Variants in ZFAND3 observed in about 807,000 individuals in gnomAD.
The protein encoded by ZFAND3 is zinc finger AN1-type containing 3, also known as AN1-type zinc finger protein 3.
Under a neutral mutation model 29.6 loss-of-function variants are expected in ZFAND3, and 10 were observed. That is an observed-to-expected ratio of 0.34 (90% CI 0.21 to 0.57). The LOEUF (loss-of-function observed/expected upper bound fraction) is 0.57, where lower values mean the gene tolerates loss of function less well. Among genes scored for constraint, ZFAND3 ranks in the 20% least tolerant of loss-of-function variants. The probability of loss-of-function intolerance (pLI) is 0.86; values close to 1 mark genes in which losing one functional copy is unlikely to be tolerated. For missense variants in ZFAND3, 230 were observed against 304.5 expected (o/e 0.76, Z 1.82); for synonymous variants, 128 against 112.6 (o/e 1.14, Z -0.87).
Position 38,144,191 on chromosome 6 carries a change from AT to A in ZFAND3, c.530-8043del, listed in dbSNP as rs1251618804. ...AATGTGATATATATATATAATATAT[AT>A]ATATATATATATATATATAATATAT... On this transcript the variant is annotated intron_variant, in intron 5 of 5. Coordinates refer to ENST00000287218, the MANE Select transcript of ZFAND3 (RefSeq NM_021943.3). 1.7e-3 allele frequency among the ~76,000 whole-genome samples: 71 copies of A among 41,814 alleles called. 4 individuals are homozygous for A. The highest frequency in any genetic ancestry group is 4.3e-3 in the African/African-American group (36 of 8,412). The allele number at this position is 41,814 out of a possible 152,430, so 27.4% of individuals were successfully genotyped here. A position where few individuals can be genotyped will look rare whatever the true frequency, so the allele number is the denominator to read the frequency against.
chr6:37,959,361 A>T (rs746980660), intron 2 of ZFAND3, among the ~76,000 whole-genome samples: 3 of 152,362 alleles, frequency 2.0e-5, no homozygotes, highest in Non-Finnish European at 4.4e-5. Context: ...GGAAATGTTA[A>T]CATTGGAATT....
intron 2 of ZFAND3, among the ~76,000 whole-genome samples, chr6:38,000,720 A>G (rs1762933048): frequency 6.6e-6 from 1 of 152,214 alleles, no homozygotes; most frequent in South Asian, 2.1e-4. Context: ...TAAACTCTGT[A>G]TTCACCTAAT....
At chr6:38,004,316 A>G (rs1030662400) in intron 2 of ZFAND3, among the ~76,000 whole-genome samples, 5 of 152,162 alleles carry the variant, frequency 3.3e-5, no homozygotes, top group African/African-American at 1.2e-4. Context: ...TTGATTTCCA[A>G]CACGTTTGCT....
chr6:37,895,585 G>A (rs1382954451), intron 1 of ZFAND3, among the ~76,000 whole-genome samples: 1 of 143,424 alleles, frequency 7.0e-6, no homozygotes, highest in Non-Finnish European at 1.5e-5. Flanking sequence ...TTGGTTTAAT[G>A]TCTTTGGTTA....
intron 2 of ZFAND3, among the ~76,000 whole-genome samples, chr6:37,994,317 A>C (rs1326292795): frequency 2.6e-5 from 4 of 152,298 alleles, no homozygotes; most frequent in South Asian, 4.1e-4. Context: ...TATTTTTCTT[A>C]GAATGGCTTC....
chr6:37,822,463 G>A (rs1352225769), intron 1 of ZFAND3, among the ~76,000 whole-genome samples: 1 of 152,250 alleles, frequency 6.6e-6, no homozygotes, highest in East Asian at 1.9e-4. Context: ...ACTGACTTTG[G>A]ACATGTTTCC....
chr6:38,060,650 T>C (rs1355424197), intron 2 of ZFAND3, among the ~76,000 whole-genome samples: 1 of 152,206 alleles, frequency 6.6e-6, no homozygotes, highest in Non-Finnish European at 1.5e-5. Context: ...GAGGTCTTGC[T>C]GTGTTGCCCA....
intron 3 of ZFAND3, among the ~76,000 whole-genome samples, chr6:38,077,084 C>T (rs981103701): frequency 6.7e-6 from 1 of 150,228 alleles, no homozygotes; most frequent in Non-Finnish European, 1.5e-5. Flanking sequence ...TTCACTATCT[C>T]CATTGCATAG....
At chr6:37,979,216 G>A (rs922637655) in intron 2 of ZFAND3, among the ~76,000 whole-genome samples, 1 of 152,180 alleles carries the variant, frequency 6.6e-6, no homozygotes, top group African/African-American at 2.4e-5. Flanking sequence ...GTGGCAGCCT[G>A]CAAATTCTGC....
chr6:37,877,988 A>G (rs1317280808), intron 1 of ZFAND3, among the ~76,000 whole-genome samples: 1 of 152,194 alleles, frequency 6.6e-6, no homozygotes, highest in Non-Finnish European at 1.5e-5. Context: ...TGAGGTAGGA[A>G]CAACAGCTGT....
At chr6:38,115,521 T>G (rs1765398561) in intron 4 of ZFAND3, among the ~76,000 whole-genome samples, 1 of 152,184 alleles carries the variant, frequency 6.6e-6, no homozygotes, top group Non-Finnish European at 1.5e-5. Context: ...GAGAGACCAG[T>G]GAAGAGGCTC....
intron 2 of ZFAND3, among the ~76,000 whole-genome samples, chr6:37,977,800 G>C (rs1762508231): frequency 2.4e-5 from 1 of 42,040 alleles, no homozygotes; most frequent in Non-Finnish European, 5.4e-5. Context: ...TTCAAATGAA[G>C]AATGAATGTT....
chr6:38,079,210 C>T (rs182048328), intron 3 of ZFAND3, among the ~76,000 whole-genome samples: 107 of 152,272 alleles, frequency 7.0e-4, no homozygotes, highest in African/African-American at 1.8e-3. Context: ...ACTCTAAGCT[C>T]TCTGTTTATA....
chr6:37,934,431 A>G (rs981987959), intron 2 of ZFAND3, among the ~76,000 whole-genome samples: 1 of 151,996 alleles, frequency 6.6e-6, no homozygotes, highest in Non-Finnish European at 1.5e-5. Flanking sequence ...ATTCTGGGGA[A>G]GTACCAGGAA....
chr6:38,087,749 A>G (rs1268596690), intron 4 of ZFAND3, among the ~76,000 whole-genome samples: 1 of 152,188 alleles, frequency 6.6e-6, no homozygotes, highest in Non-Finnish European at 1.5e-5. Flanking sequence ...TGGGAATGTA[A>G]ATTATTACAA....
At position 37,953,070 on chromosome 6, in the gene ZFAND3, G is replaced by C. The variant is rs188695086; in HGVS notation, c.112+23071G>C. Among the ~76,000 whole-genome samples, 383 of 151,758 alleles carry C rather than the reference G, an allele frequency of 2.5e-3. 4 individuals carry two copies. Among genetic ancestry groups the C allele is most frequent in the South Asian group, 6.7e-3 (32 of 4,798 alleles). ...GTAGGTAGTTGAGTGTTGCTTTGAC[G>C]TGTACTACAAGTCTTTACCTTTTAG... On this transcript the variant is annotated intron_variant, in intron 2 of 5. Transcript: ENST00000287218.
intron 2 of ZFAND3, among the ~76,000 whole-genome samples, chr6:37,983,097 CAA>C (rs1485443826): frequency 1.3e-5 from 2 of 152,142 alleles, no homozygotes; most frequent in East Asian, 1.9e-4. Flanking sequence ...AATGTTAATA[CAA>C]AAGAGTCCAA....
chr6:38,009,734 C>T (rs759062569), intron 2 of ZFAND3, among the ~76,000 whole-genome samples: 3 of 152,202 alleles, frequency 2.0e-5, no homozygotes, highest in African/African-American at 4.8e-5. Flanking sequence ...AACCTCTCTG[C>T]TTTGATCTGA....
intron 1 of ZFAND3, among the ~76,000 whole-genome samples, chr6:37,835,230 G>A (rs1475853582): frequency 6.6e-6 from 1 of 152,148 alleles, no homozygotes; most frequent in African/African-American, 2.4e-5. Context: ...CAGAGTCATG[G>A]CTCATTGCAG....
Sources: allele counts gnomAD v4.1 joint callset (sites outside exome capture counted in the v4.1 genomes callset), GRCh38; gene constraint gnomAD v4.1.1; transcripts MANE v1.5; gene names NCBI Gene and HGNC (gene_info 2026-07-23, HGNC 2026-07-21).